The following PPA1 variants were observed in gnomAD, a reference collection of about 807,000 sequenced individuals.
PPA1 encodes inorganic pyrophosphatase 1, also known as inorganic pyrophosphatase.
In PPA1, 23 loss-of-function variants were observed where a neutral mutation model predicts 41.8. The ratio of observed to expected loss-of-function variants is 0.55; its 90% CI spans 0.40 to 0.78. The LOEUF is 0.78. PPA1 is among the 30% of genes least tolerant of loss of function. The pLI, the probability that PPA1 is intolerant of heterozygous loss-of-function variation, is 0.00. For synonymous variants in PPA1, 101 were observed against 116.8 expected (o/e 0.86, Z 0.87); for missense variants, 320 against 361.6 (o/e 0.89, Z 0.93).
chr10:70,210,553 C>A, intron 6 of PPA1: 1 of 726,458 alleles, frequency 1.4e-6, no homozygotes, highest in Admixed American at 4.8e-5. Context: ...AAGTGCACTG[C>A]TTTAAAAATT....
chr10:70,219,834 T>C (rs1840117015), intron 2 of PPA1, among the ~76,000 whole-genome samples: 1 of 152,262 alleles, frequency 6.6e-6, no homozygotes, highest in African/African-American at 2.4e-5. Flanking sequence ...ATAGGTTATT[T>C]AATTAAACTT....
intron 2 of PPA1, among the ~76,000 whole-genome samples, chr10:70,229,261 A>AG (rs1488053664): frequency 1.3e-5 from 2 of 152,212 alleles, no homozygotes; most frequent in African/African-American, 4.8e-5. Flanking sequence ...AGTCACTGGC[A>AG]GTCCCACGAA....
At chr10:70,223,217 AAG>A (rs10686040) in intron 2 of PPA1, among the ~76,000 whole-genome samples, 12 of 148,726 alleles carry the variant, frequency 8.1e-5, no homozygotes, top group Non-Finnish European at 8.9e-5. Context: ...CATTTTTTTA[AAG>A]AGAGAGAGAG....
intron 2 of PPA1, among the ~76,000 whole-genome samples, chr10:70,221,081 T>TTATATATATATATATATATATATATATA (rs1840162167): frequency 2.0e-4 from 5 of 25,076 alleles, no homozygotes; most frequent in African/African-American, 7.1e-4. Context: ...TATATATTTT[T>TTATATATATATATATATATATATATATA]TTTTTTTTTT....
At chr10:70,207,741 T>A (rs1424160198) in intron 8 of PPA1, among the ~76,000 whole-genome samples, 1 of 152,234 alleles carries the variant, frequency 6.6e-6, no homozygotes, top group Non-Finnish European at 1.5e-5. Context: ...GTCGTGTATA[T>A]AATACAATCC....
At chr10:70,230,759 G>A (rs911237774) in intron 1 of PPA1, among the ~76,000 whole-genome samples, 2 of 152,142 alleles carry the variant, frequency 1.3e-5, no homozygotes, top group South Asian at 2.1e-4. Flanking sequence ...GTGAGCCACC[G>A]CACCCTGCAC....
intron 6 of PPA1, among the ~76,000 whole-genome samples, chr10:70,212,853 G>A (rs1840036830): frequency 6.7e-6 from 1 of 150,188 alleles, no homozygotes; most frequent in Non-Finnish European, 1.5e-5. Flanking sequence ...ATGAAGTGCT[G>A]ATACATACTA....
At chr10:70,205,071 T>G in intron 9 of PPA1, 156 bp from the exon 10 acceptor site, 1 of 585,418 alleles carries the variant, frequency 1.7e-6, no homozygotes, top group Non-Finnish European at 3.0e-6. Flanking sequence ...AGGTTTGCTC[T>G]ACTGCTGAGA....
Position 70,203,116 on chromosome 10 carries a change from C to A in PPA1, c.*39G>T, listed in dbSNP as rs200724078. On this transcript the variant is annotated 3_prime_UTR_variant, in exon 11 of 11. Transcript: ENST00000373232. ...TACTTCTAATACATCCAGATGAACA[C>A]GATGTAGCAATATCAGCTTGTATTC... 1 of 1,573,870 alleles carries A rather than the reference C, an allele frequency of 6.4e-7. No individual in the cohort carries two copies. Among genetic ancestry groups the A allele is most frequent in the Admixed American group, 1.7e-5 (1 of 59,694 alleles).
At chr10:70,233,091 C>T (rs986881888) in intron 1 of PPA1, among the ~76,000 whole-genome samples, 173 bp downstream of exon 1, 1 of 152,152 alleles carries the variant, frequency 6.6e-6, no homozygotes, top group Non-Finnish European at 1.5e-5. Context: ...GCCGCCCCGA[C>T]CGGCGGCGGC....
intron 6 of PPA1, among the ~76,000 whole-genome samples, chr10:70,210,673 A>C (rs1328700118): frequency 6.6e-6 from 1 of 152,232 alleles, no homozygotes; most frequent in African/African-American, 2.4e-5. Context: ...CATCCTAAAA[A>C]GTCAGTTAGG....
intron 9 of PPA1, chr10:70,206,060 T>G (rs116857998): frequency 3.6e-6 from 2 of 560,466 alleles, no homozygotes; most frequent in African/African-American, 3.8e-5. Context: ...CAACTTATGA[T>G]TGATTAGAAT....
intron 2 of PPA1, among the ~76,000 whole-genome samples, chr10:70,220,572 AATAT>A (rs1840130330): frequency 3.3e-5 from 2 of 60,742 alleles, no homozygotes; most frequent in Non-Finnish European, 3.1e-5. Context: ...TTATATATAT[AATAT>A]ATATAATTAT....
At chr10:70,212,243 TC>T (rs1840028824) in intron 6 of PPA1, among the ~76,000 whole-genome samples, 1 of 152,256 alleles carries the variant, frequency 6.6e-6, no homozygotes, top group Non-Finnish European at 1.5e-5. Context: ...CATTTATTTG[TC>T]AGTATAGACT....
At chr10:70,219,464 C>T (rs1047795758) in intron 2 of PPA1, among the ~76,000 whole-genome samples, 2 of 152,144 alleles carry the variant, frequency 1.3e-5, no homozygotes, top group Non-Finnish European at 2.9e-5. Context: ...AGACTAATTA[C>T]TTGATCATAC....
In PPA1 at chr10:70,218,585, T is replaced by A. The variant is rs555114698; in HGVS notation, c.177+179A>T. On this transcript the variant is annotated intron_variant, in intron 3 of 10. Transcript: ENST00000373232. ...AGTTTGGGGCATATTTGTAAACAGT[T>A]GAGTTTAGCTGGAGCCCAAAGGGAA... The A allele has an allele frequency of 3.7e-5, 21 of 572,980 alleles. No individual in the cohort carries two copies. In the East Asian group the frequency reaches 5.9e-4, roughly 16 times the overall value. The allele number at this position is 572,980 out of a possible 1,614,324, so 35.5% of individuals were successfully genotyped here. A position where few individuals can be genotyped will look rare whatever the true frequency, so the allele number is the denominator to read the frequency against.
At chr10:70,205,374 CA>C (rs1263046712) in intron 9 of PPA1, 11,439 of 85,468 alleles carry the variant, frequency 0.13, 903 homozygotes, top group African/African-American at 0.31. Flanking sequence ...AGACTTGTCT[CA>C]AAAAAAAAAA....
intron 5 of PPA1, 83 bp downstream of exon 5, chr10:70,214,417 T>C (rs1840054947): frequency 9.2e-7 from 1 of 1,086,454 alleles, no homozygotes; most frequent in Non-Finnish European, 1.4e-6. Context: ...ATGCATTTTA[T>C]TCACAGTATT....
chr10:70,224,793 C>T (rs1186405151), intron 2 of PPA1, among the ~76,000 whole-genome samples: 2 of 152,138 alleles, frequency 1.3e-5, no homozygotes, highest in African/African-American at 4.8e-5. Context: ...CACAATGGTG[C>T]AATCTCGGCT....
Sources: allele counts gnomAD v4.1 joint callset (sites outside exome capture counted in the v4.1 genomes callset), GRCh38; gene constraint gnomAD v4.1.1; transcripts MANE v1.5; gene names NCBI Gene and HGNC (gene_info 2026-07-23, HGNC 2026-07-21).